The following HSPH1 variants were observed in gnomAD, a reference collection of about 807,000 sequenced individuals.
The protein encoded by HSPH1 is heat shock protein family H (Hsp110) member 1, also known as heat shock protein 105 kDa.
A neutral mutation model predicts 100.0 loss-of-function variants in HSPH1; 40 were observed. That is an observed-to-expected ratio of 0.40 (90% CI 0.31 to 0.52). The LOEUF is 0.52. Among genes scored for constraint, HSPH1 ranks in the 20% least tolerant of loss-of-function variants. The pLI is 0.54. For missense variants in HSPH1, 876 were observed against 1,015.1 expected, an observed-to-expected ratio of 0.86 and a Z score of 1.86; for synonymous variants, 403 against 344.0, an observed-to-expected ratio of 1.17 and a Z score of -1.90.
chr13:31,156,154 G>C (rs981225618), intron 2 of HSPH1, among the ~76,000 whole-genome samples: 1 of 152,194 alleles, frequency 6.6e-6, no homozygotes, highest in Non-Finnish European at 1.5e-5. Context: ...ACTTTGGGAG[G>C]CCAAGGCGGG....
chr13:31,141,985 A>G (rs563845516), intron 12 of HSPH1, among the ~76,000 whole-genome samples: 4 of 152,226 alleles, frequency 2.6e-5, no homozygotes, highest in African/African-American at 9.6e-5. Flanking sequence ...TAAAGAAGTA[A>G]GTATCTCCTG....
chr13:31,161,417 G>C, intron 1 of HSPH1, 59 bp downstream of exon 1: 1 of 1,591,636 alleles, frequency 6.3e-7, no homozygotes, highest in Non-Finnish European at 8.6e-7. Flanking sequence ...CGCGATCTTG[G>C]GTCCCCACAC....
chr13:31,143,087 G>C (rs1956153540), intron 12 of HSPH1, among the ~76,000 whole-genome samples: 1 of 151,994 alleles, frequency 6.6e-6, no homozygotes, highest in South Asian at 2.1e-4. Flanking sequence ...GAATATAAGA[G>C]AAACCAAACA....
intron 12 of HSPH1, among the ~76,000 whole-genome samples, chr13:31,142,948 T>C (rs1009006091): frequency 2.6e-5 from 4 of 152,054 alleles, no homozygotes; most frequent in African/African-American, 7.2e-5. Context: ...ATAGCTCACA[T>C]TGGGAGCCCC....
At position 31,135,269 on chromosome 13, in the gene HSPH1, A is replaced by C. The variant is rs1955857591; in HGVS notation, c.*2049T>G. On this transcript the variant is annotated 3_prime_UTR_variant, in exon 18 of 18. Transcript: ENST00000320027. Reference sequence around the variant, plus strand: ...TCTATTTTAGGACAGGAGGAAAAACATGTTTTCCCATTCACAGTTTTTAAA... The same window carrying C: ...TCTATTTTAGGACAGGAGGAAAAACCTGTTTTCCCATTCACAGTTTTTAAA... The C allele has an allele frequency of 6.6e-6, 1 of 151,106 alleles. No individual in the cohort carries two copies. Among genetic ancestry groups the C allele is most frequent in the South Asian group, 2.1e-4 (1 of 4,834 alleles). The allele number at this position is 151,106 out of a possible 1,614,324, so 9.4% of individuals were successfully genotyped here.
intron 2 of HSPH1, among the ~76,000 whole-genome samples, chr13:31,157,845 T>C (rs1956754280): frequency 6.6e-6 from 1 of 152,218 alleles, no homozygotes; most frequent in Admixed American, 6.5e-5. Context: ...ATTAGATTAA[T>C]TTCAATTAAC....
At chr13:31,140,879 GATTT>G in intron 13 of HSPH1, 1 of 327,772 alleles carries the variant, frequency 3.1e-6, no homozygotes, top group South Asian at 1.1e-4. Flanking sequence ...GCTCTGTTAT[GATTT>G]ATTGCCATCC....
chr13:31,143,055 AG>A (rs1029936818), intron 12 of HSPH1, among the ~76,000 whole-genome samples: 1 of 152,116 alleles, frequency 6.6e-6, no homozygotes, highest in African/African-American at 2.4e-5. Flanking sequence ...AATTTGCCTG[AG>A]GATAAAAAAC....
intron 11 of HSPH1, 24 bp from the exon 12 acceptor site, chr13:31,143,947 AG>A (rs1313520574): frequency 4.5e-6 from 7 of 1,563,492 alleles, no homozygotes; most frequent in Admixed American, 3.7e-5. Context: ...CCAGGCACAA[AG>A]GATGTAGAAA....
chr13:31,158,880 T>C lies in HSPH1; in HGVS notation c.108-17A>G. The C allele has an allele frequency of 1.4e-6, 2 of 1,471,966 alleles. No homozygotes were observed. Among genetic ancestry groups the C allele is most frequent in the Non-Finnish European group, 1.9e-6 (2 of 1,051,602 alleles). 91.2% of individuals were successfully genotyped at this position (1,471,966 alleles called of 1,614,324 possible). Reference sequence around the variant, plus strand: ...ATGACTGACCTAGAAAAAAATATATTCCAAAAAATTAAAAAGCATAAAGGT... The same window carrying C: ...ATGACTGACCTAGAAAAAAATATATCCCAAAAAATTAAAAAGCATAAAGGT... On this transcript the variant is annotated splice_polypyrimidine_tract_variant and intron_variant, in intron 1 of 17. Coordinates refer to ENST00000320027, the MANE Select transcript of HSPH1 (RefSeq NM_006644.4).
chr13:31,153,047 G>A, intron 4 of HSPH1, 96 bp from the exon 5 acceptor site: 2 of 809,658 alleles, frequency 2.5e-6, no homozygotes, highest in East Asian at 2.6e-5. Context: ...GTCCAGCTAA[G>A]TAGGTGCCTC....
intron 11 of HSPH1, among the ~76,000 whole-genome samples, chr13:31,144,629 A>G (rs889988793): frequency 6.6e-6 from 1 of 152,134 alleles, no homozygotes; most frequent in Non-Finnish European, 1.5e-5. Flanking sequence ...CATCTTTGGA[A>G]GAGGGCTGAA....
At chr13:31,153,448 T>C (rs1477576881) in intron 4 of HSPH1, among the ~76,000 whole-genome samples, 1 of 152,226 alleles carries the variant, frequency 6.6e-6, no homozygotes, top group Non-Finnish European at 1.5e-5. Flanking sequence ...AGGTGCTCTT[T>C]AATTCAGTCA....
chr13:31,154,874 T>C, intron 3 of HSPH1, 119 bp from the exon 4 acceptor site: 1 of 854,334 alleles, frequency 1.2e-6, no homozygotes, highest in Middle Eastern at 2.6e-4. Flanking sequence ...ATTGTTGTAG[T>C]TGTTTTGGGA....
rs1955857229 is a variant in HSPH1, at chr13:31,135,253, G to A, written c.*2065C>T. Reference sequence around the variant, plus strand: ...CCTCCCGTCATCAGGTTCTATTTTAGGACAGGAGGAAAAACATGTTTTCCC... The same window carrying A: ...CCTCCCGTCATCAGGTTCTATTTTAAGACAGGAGGAAAAACATGTTTTCCC... On this transcript the variant is annotated 3_prime_UTR_variant, in exon 18 of 18. Transcript: ENST00000320027. 6.6e-6 allele frequency: 1 copy of A among 151,970 alleles called. No homozygotes were observed. Among genetic ancestry groups the A allele is most frequent in the East Asian group, 1.9e-4 (1 of 5,206 alleles). The allele number at this position is 151,970 out of a possible 1,614,324, so 9.4% of individuals were successfully genotyped here. A position where few individuals can be genotyped will look rare whatever the true frequency, so the allele number is the denominator to read the frequency against.
upstream of HSPH1, chr13:31,162,199 A>C (rs1956949941): frequency 2.0e-6 from 2 of 1,008,068 alleles, no homozygotes; most frequent in South Asian, 1.4e-5. Context: ...GCAACGAAGA[A>C]TGACTCCAAA....
In HSPH1 at chr13:31,145,671, G is replaced by C; in HGVS notation, c.1476C>G (p.Ile492Met). 6.2e-7 allele frequency: 1 copy of C among 1,613,304 alleles called. No homozygotes were observed. The highest frequency in any genetic ancestry group is 8.5e-7 in the Non-Finnish European group (1 of 1,179,430). ...VRVNTHGIFT[I>M]STASMVEKVP... ...CTTTCTCCACCATAGATGCCGTAGAGATGGTGAAAATGCCATGGGTGTTGA... is the reference window on the plus strand; with the variant it reads ...CTTTCTCCACCATAGATGCCGTAGACATGGTGAAAATGCCATGGGTGTTGA... Residue 492 changes from isoleucine (I) to methionine (M), a missense_variant, in exon 11 of 18, where the codon ATC (isoleucine) becomes ATG (methionine). Physicochemically the swap from Ile to Met is conservative, Grantham distance 10. Coordinates refer to ENST00000320027, the MANE Select transcript of HSPH1 (RefSeq NM_006644.4).
intron 3 of HSPH1, 135 bp from the exon 4 acceptor site, chr13:31,154,890 GAAGAA>G: frequency 2.8e-6 from 2 of 726,588 alleles, no homozygotes; most frequent in Non-Finnish European, 2.1e-6. Flanking sequence ...TGGGAAGAAG[GAAGAA>G]AAGGAGGAAA....
At chr13:31,141,979 GAAGT>G (rs1455428732) in intron 12 of HSPH1, among the ~76,000 whole-genome samples, 10 of 152,046 alleles carry the variant, frequency 6.6e-5, no homozygotes, top group Non-Finnish European at 1.5e-5. Flanking sequence ...CAGGGCTAAA[GAAGT>G]AAGTATCTCC....
Sources: allele counts gnomAD v4.1 joint callset (sites outside exome capture counted in the v4.1 genomes callset), GRCh38; gene constraint gnomAD v4.1.1; transcripts MANE v1.5; gene names NCBI Gene and HGNC (gene_info 2026-07-23, HGNC 2026-07-21).